ACOXL: variants seen among roughly 807,000 people sequenced by gnomAD.
The protein encoded by ACOXL is acyl-CoA oxidase like.
In ACOXL, 70 loss-of-function variants were observed where a neutral mutation model predicts 71.9. The observed-to-expected ratio is 0.97, with a 90% CI of 0.80 to 1.19. The LOEUF is 1.19. Among genes scored for constraint, ACOXL ranks in the 50% most tolerant of loss-of-function variants. The pLI is 0.00. For missense variants in ACOXL, 703 were observed against 736.3 expected, an observed-to-expected ratio of 0.95 and a Z score of 0.52; for synonymous variants, 253 against 281.6, an observed-to-expected ratio of 0.90 and a Z score of 1.02.
At chr2:110,856,798 G>A (rs1341511296) in intron 10 of ACOXL, among the ~76,000 whole-genome samples, 1 of 152,280 alleles carries the variant, frequency 6.6e-6, no homozygotes, top group Non-Finnish European at 1.5e-5. Flanking sequence ...ATGTATCCCC[G>A]GTACAGAAGG....
chr2:110,814,566 A>C (rs1687702550), intron 9 of ACOXL, among the ~76,000 whole-genome samples: 1 of 152,214 alleles, frequency 6.6e-6, no homozygotes, highest in African/African-American at 2.4e-5. Flanking sequence ...TGCCACCACA[A>C]AACCCTTACA....
At chr2:110,914,135 A>G (rs1259322780) in intron 11 of ACOXL, among the ~76,000 whole-genome samples, 3 of 152,228 alleles carry the variant, frequency 2.0e-5, no homozygotes, top group Non-Finnish European at 2.9e-5. Flanking sequence ...CTTGAAAAAT[A>G]TGAATGCTGT....
intron 1 of ACOXL, among the ~76,000 whole-genome samples, chr2:110,764,875 G>A (rs934662539): frequency 2.0e-5 from 3 of 152,082 alleles, no homozygotes; most frequent in South Asian, 4.1e-4. Flanking sequence ...TCATTCTGAT[G>A]TTCTTTCTTT....
chr2:110,857,261 G>T (rs1446838070), intron 10 of ACOXL, among the ~76,000 whole-genome samples: 3 of 152,174 alleles, frequency 2.0e-5, no homozygotes, highest in Non-Finnish European at 4.4e-5. Flanking sequence ...TTGAGAAAAG[G>T]GGGACCCGTG....
At chr2:111,017,419 C>T (rs375287167) in intron 14 of ACOXL, among the ~76,000 whole-genome samples, 3 of 152,354 alleles carry the variant, frequency 2.0e-5, no homozygotes, top group Admixed American at 6.5e-5. Context: ...ACCATTTCTG[C>T]GCAAGCTCAG....
chr2:110,807,781 T>C (rs1322390597), intron 9 of ACOXL, among the ~76,000 whole-genome samples: 1 of 152,182 alleles, frequency 6.6e-6, no homozygotes, highest in African/African-American at 2.4e-5. Flanking sequence ...ACATGACATA[T>C]GTTTTCCCGG....
intron 11 of ACOXL, among the ~76,000 whole-genome samples, chr2:110,912,866 A>G (rs1249844228): frequency 1.3e-5 from 2 of 152,238 alleles, no homozygotes; most frequent in African/African-American, 4.8e-5. Flanking sequence ...TGGTATATAC[A>G]TCTGGACTTG....
At chr2:110,969,801 A>G (rs957055606) in intron 12 of ACOXL, among the ~76,000 whole-genome samples, 2 of 142,242 alleles carry the variant, frequency 1.4e-5, no homozygotes, top group Non-Finnish European at 3.1e-5. Flanking sequence ...ACAGAGTGAG[A>G]CTTTGTCTCA....
At chr2:111,056,629 A>G (rs1331998633) in intron 16 of ACOXL, among the ~76,000 whole-genome samples, 1 of 151,970 alleles carries the variant, frequency 6.6e-6, no homozygotes, top group African/African-American at 2.4e-5. Context: ...TCTACTAAAA[A>G]TACAAAAAAT....
chr2:110,926,164 C>A (rs1429821953), intron 11 of ACOXL, among the ~76,000 whole-genome samples: 1 of 151,958 alleles, frequency 6.6e-6, no homozygotes, highest in African/African-American at 2.4e-5. Context: ...ATAACAGATA[C>A]AATAATAATG....
chr2:111,101,643 A>C (rs1442900558), intron 17 of ACOXL, among the ~76,000 whole-genome samples: 7 of 150,462 alleles, frequency 4.7e-5, no homozygotes, highest in African/African-American at 1.7e-4. Context: ...TTTTCTCTGT[A>C]ATGAATTTGA....
chr2:110,948,857 T>C (rs1248396897), intron 12 of ACOXL, among the ~76,000 whole-genome samples: 1 of 151,508 alleles, frequency 6.6e-6, no homozygotes, highest in Non-Finnish European at 1.5e-5. Flanking sequence ...GCAGAGACAG[T>C]CATTCGGGGG....
intron 10 of ACOXL, chr2:110,886,727 C>G: frequency 1.3e-6 from 2 of 1,549,396 alleles, no homozygotes; most frequent in South Asian, 2.4e-5. Flanking sequence ...CTGGAGTTAG[C>G]CTTGCGGAAG....
At chr2:111,050,213 T>A (rs990367686) in intron 16 of ACOXL, among the ~76,000 whole-genome samples, 2 of 152,026 alleles carry the variant, frequency 1.3e-5, no homozygotes, top group African/African-American at 4.8e-5. Context: ...AGGGTGTCAC[T>A]CTGAGGGATT....
intron 12 of ACOXL, among the ~76,000 whole-genome samples, chr2:110,971,346 A>G (rs2062176181): frequency 6.6e-6 from 1 of 152,252 alleles, no homozygotes. Context: ...GGCTTGCACC[A>G]ACACTATTTT....
intron 12 of ACOXL, among the ~76,000 whole-genome samples, chr2:110,956,537 G>A (rs1558785124): frequency 6.6e-6 from 1 of 152,136 alleles, no homozygotes; most frequent in Non-Finnish European, 1.5e-5. Context: ...ACAGGTTGCA[G>A]TGACTCTCCA....
chr2:110,908,989 T>C, intron 11 of ACOXL, 84 bp downstream of exon 11: 1 of 1,006,650 alleles, frequency 9.9e-7, no homozygotes, highest in Non-Finnish European at 1.5e-6. Context: ...AGGCACAGGA[T>C]GTCATTTTCT....
intron 14 of ACOXL, among the ~76,000 whole-genome samples, chr2:111,022,106 A>G (rs2064788690): frequency 6.6e-6 from 1 of 152,086 alleles, no homozygotes; most frequent in East Asian, 1.9e-4. Flanking sequence ...TAATCCCAGC[A>G]CTTTGGGAGG....
At chr2:110,914,189 GA>G (rs935882003) in intron 11 of ACOXL, among the ~76,000 whole-genome samples, 4 of 151,922 alleles carry the variant, frequency 2.6e-5, no homozygotes, top group African/African-American at 9.6e-5. Flanking sequence ...AAAGAGAGAG[GA>G]GGAAAAAAAA....
Sources: allele counts gnomAD v4.1 joint callset (sites outside exome capture counted in the v4.1 genomes callset), GRCh38; gene constraint gnomAD v4.1.1; transcripts MANE v1.5; gene names NCBI Gene and HGNC (gene_info 2026-07-23, HGNC 2026-07-21).